The following GRXCR2 variants were observed in gnomAD, a reference collection of about 807,000 sequenced individuals.
GRXCR2 encodes the protein glutaredoxin domain-containing cysteine-rich protein 2.
Under a neutral mutation model 24.8 loss-of-function variants are expected in GRXCR2, and 23 were observed. The ratio of observed to expected loss-of-function variants is 0.93; its 90% CI spans 0.67 to 1.32. GRXCR2 has a LOEUF of 1.32. Among genes scored for constraint, GRXCR2 ranks in the 40% most tolerant of loss-of-function variants. GRXCR2 has a pLI of 0.00. For synonymous variants in GRXCR2, 130 were observed against 116.1 expected (o/e 1.12, Z -0.77); for missense variants, 315 against 303.4 (o/e 1.04, Z -0.28).
In GRXCR2 at chr5:145,858,708, G is replaced by C. The variant is rs1207754198; in HGVS notation, c.*1025C>G. 2.0e-5 allele frequency: 3 copies of C among 152,120 alleles called. No homozygotes were observed. The highest frequency in any genetic ancestry group is 7.2e-5 in the African/African-American group (3 of 41,422). 9.4% of individuals were successfully genotyped at this position (152,120 alleles called of 1,614,324 possible). On this transcript the variant is annotated 3_prime_UTR_variant, in exon 3 of 3. Coordinates refer to ENST00000377976, the MANE Select transcript of GRXCR2 (RefSeq NM_001080516.2). ...TAAATTTTGCAGTGTTATTCTTAAG[G>C]GGCTTGGGGAGTGGGTGTTAGAGCT...
At chr5:145,909,192 T>C (rs187635955) in intron 2 of GRXCR2, among the ~76,000 whole-genome samples, 18 of 152,352 alleles carry the variant, frequency 1.2e-4, no homozygotes, top group Admixed American at 3.3e-4. Flanking sequence ...TGCTATTATA[T>C]GTAATTCATA....
chr5:145,902,647 C>T (rs1757039785), intron 2 of GRXCR2, among the ~76,000 whole-genome samples: 1 of 152,186 alleles, frequency 6.6e-6, no homozygotes, highest in Non-Finnish European at 1.5e-5. Flanking sequence ...CCAAGTTAAA[C>T]ATGAAGAAGA....
intron 1 of GRXCR2, among the ~76,000 whole-genome samples, chr5:145,871,469 G>A (rs1428894525): frequency 6.6e-6 from 1 of 151,998 alleles, no homozygotes; most frequent in African/African-American, 2.4e-5. Flanking sequence ...CTGCAAAATG[G>A]GAATGACCAT....
chr5:145,907,992 G>T (rs1013264097), intron 2 of GRXCR2, among the ~76,000 whole-genome samples: 9 of 152,106 alleles, frequency 5.9e-5, no homozygotes, highest in African/African-American at 2.2e-4. Flanking sequence ...AAAAGAAAAG[G>T]TCTGGACTGC....
intron 2 of GRXCR2, among the ~76,000 whole-genome samples, chr5:145,912,187 A>T (rs975897114): frequency 2.0e-5 from 3 of 152,224 alleles, no homozygotes; most frequent in Non-Finnish European, 4.4e-5. Context: ...GTGTTCTGCC[A>T]GTGCTGGGCG....
At chr5:145,857,761 C>T (rs1453068027), downstream of GRXCR2, among the ~76,000 whole-genome samples, 1 of 152,134 alleles carries the variant, frequency 6.6e-6, no homozygotes, top group African/African-American at 2.4e-5. Context: ...TCTGGGCAAC[C>T]TGCATAACCC....
chr5:145,927,175 C>G (rs7446157), intron 2 of GRXCR2, among the ~76,000 whole-genome samples: 60,827 of 150,508 alleles, frequency 0.4, 12,710 homozygotes, highest in East Asian at 0.66. Flanking sequence ...CATCTGCAAA[C>G]AGGGACAATT....
rs74667417 is a variant in GRXCR2, at chr5:145,920,157, C to T, written c.-70+15544G>A. Among the ~76,000 whole-genome samples, 200 of 152,200 alleles carry T rather than the reference C, an allele frequency of 1.3e-3. 2 individuals carry two copies. In the East Asian group the frequency reaches 0.035, roughly 26 times the overall value. On this transcript the variant is annotated intron_variant, in intron 2 of 3. Transcript: ENST00000639411. ...AGGACCCTAAAATTAGAATTGCAGC[C>T]GGGTGGGGGTGTCTACACTATTACT...
At chr5:145,881,016 G>A (rs1160571856) in intron 2 of GRXCR2, among the ~76,000 whole-genome samples, 1 of 152,178 alleles carries the variant, frequency 6.6e-6, no homozygotes, top group African/African-American at 2.4e-5. Flanking sequence ...ACTAGGTATG[G>A]ATTGAATGTA....
At chr5:145,900,280 ACT>A (rs1488046041) in intron 2 of GRXCR2, among the ~76,000 whole-genome samples, 2 of 150,486 alleles carry the variant, frequency 1.3e-5, no homozygotes, top group Non-Finnish European at 3.0e-5. Flanking sequence ...TTCCCCCTTC[ACT>A]CTCTTCCTCC....
chr5:145,919,144 C>T (rs1394133222), intron 2 of GRXCR2, among the ~76,000 whole-genome samples: 1 of 152,144 alleles, frequency 6.6e-6, no homozygotes, highest in Non-Finnish European at 1.5e-5. Flanking sequence ...CCCCAGGTCC[C>T]ACTCCAAATC....
chr5:145,901,149 G>A (rs895975923), intron 2 of GRXCR2, among the ~76,000 whole-genome samples: 8 of 146,006 alleles, frequency 5.5e-5, no homozygotes, highest in Non-Finnish European at 7.6e-5. Flanking sequence ...ACTACTAGAG[G>A]GGGGAAGGAG....
At chr5:145,889,184 GAAAGAAAGAAAGAAAGAAAGA>G (rs1561683113) in intron 2 of GRXCR2, among the ~76,000 whole-genome samples, 3 of 112,872 alleles carry the variant, frequency 2.7e-5, no homozygotes, top group Admixed American at 8.6e-5. Flanking sequence ...AAGAAAGAAA[GAAAGAAAGAAAGAAAGAAAGA>G]AAGAAAGAAA....
chr5:145,869,425 C>A (rs1756490042), intron 1 of GRXCR2, among the ~76,000 whole-genome samples: 1 of 152,130 alleles, frequency 6.6e-6, no homozygotes, highest in Admixed American at 6.5e-5. Flanking sequence ...TTTTTCTCTA[C>A]CCATCACATA....
intron 2 of GRXCR2, among the ~76,000 whole-genome samples, chr5:145,889,182 AAGAAAGAAAGAAAG>A (rs1756823359): frequency 6.7e-5 from 8 of 118,548 alleles, no homozygotes; most frequent in African/African-American, 2.6e-4. Context: ...AAAAGAAAGA[AAGAAAGAAAGAAAG>A]AAAGAAAGAA....
chr5:145,898,224 G>T (rs1756976099), intron 2 of GRXCR2, among the ~76,000 whole-genome samples: 3 of 151,448 alleles, frequency 2.0e-5, no homozygotes, highest in Admixed American at 1.3e-4. Flanking sequence ...AGAGCAAAGG[G>T]ATAAATTCCT....
upstream of GRXCR2, among the ~76,000 whole-genome samples, chr5:145,875,164 G>T (rs1248308518): frequency 2.6e-5 from 4 of 152,116 alleles, no homozygotes; most frequent in Non-Finnish European, 4.4e-5. Context: ...GTACATAATA[G>T]AACTCAGTAA....
upstream of GRXCR2, among the ~76,000 whole-genome samples, chr5:145,873,825 T>G (rs1245929446): frequency 6.6e-6 from 1 of 152,230 alleles, no homozygotes; most frequent in Non-Finnish European, 1.5e-5. Context: ...CGTAAATGCC[T>G]GACACTGAAC....
At chr5:145,873,404 C>T (rs1167486636), upstream of GRXCR2, among the ~76,000 whole-genome samples, 1 of 152,192 alleles carries the variant, frequency 6.6e-6, no homozygotes, top group Non-Finnish European at 1.5e-5. Flanking sequence ...TTGTTACATG[C>T]ATTATTTTAT....
Sources: allele counts gnomAD v4.1 joint callset (sites outside exome capture counted in the v4.1 genomes callset), GRCh38; gene constraint gnomAD v4.1.1; transcripts MANE v1.5; gene names NCBI Gene and HGNC (gene_info 2026-07-23, HGNC 2026-07-21).